ATXN1: variants seen among roughly 807,000 people sequenced by gnomAD.
ATXN1 encodes the protein ataxin 1, also known as ataxin-1.
A neutral mutation model predicts 56.4 loss-of-function variants in ATXN1; 8 were observed. That is an observed-to-expected ratio of 0.14 (90% CI 0.08 to 0.26). ATXN1 has a LOEUF of 0.26. Among genes scored for constraint, ATXN1 ranks in the 10% least tolerant of loss-of-function variants. The pLI, the probability that ATXN1 is intolerant of heterozygous loss-of-function variation, is 1.00. For synonymous variants in ATXN1, 514 were observed against 494.6 expected (o/e 1.04, Z -0.52); for missense variants, 987 against 1,106.5 (o/e 0.89, Z 1.53).
intron 6 of ATXN1, among the ~76,000 whole-genome samples, chr6:16,414,008 GT>G (rs1422233878): frequency 6.6e-5 from 10 of 152,216 alleles, no homozygotes. Flanking sequence ...AACATTGATT[GT>G]TTGTAAAAGT....
At chr6:16,748,694 T>G (rs1387650519) in intron 2 of ATXN1, among the ~76,000 whole-genome samples, 1 of 152,206 alleles carries the variant, frequency 6.6e-6, no homozygotes, top group Non-Finnish European at 1.5e-5. Context: ...ATTAAATAAT[T>G]GCAGACAAGA....
chr6:16,740,227 G>A (rs976164930), intron 2 of ATXN1, among the ~76,000 whole-genome samples: 1 of 152,146 alleles, frequency 6.6e-6, no homozygotes, highest in African/African-American at 2.4e-5. Context: ...ACCAAGAGAT[G>A]GACAGTGTAT....
chr6:16,346,062 A>ATTATTTAT (rs886791297), intron 6 of ATXN1, among the ~76,000 whole-genome samples: 1 of 152,036 alleles, frequency 6.6e-6, no homozygotes, highest in Admixed American at 6.6e-5. Flanking sequence ...TATTCTTTTA[A>ATTATTTAT]TTATTTATTT....
chr6:16,540,787 G>A (rs1279746403), intron 4 of ATXN1, among the ~76,000 whole-genome samples: 1 of 152,088 alleles, frequency 6.6e-6, no homozygotes, highest in Non-Finnish European at 1.5e-5. Context: ...TGGAATGGCT[G>A]TCTCATGTAT....
At chr6:16,598,966 C>T (rs572966046) in intron 3 of ATXN1, among the ~76,000 whole-genome samples, 2 of 152,160 alleles carry the variant, frequency 1.3e-5, no homozygotes, top group Admixed American at 6.5e-5. Context: ...CCCAAGGGCA[C>T]CTGCAAGGTA....
At chr6:16,436,202 G>C (rs1419487324) in intron 6 of ATXN1, among the ~76,000 whole-genome samples, 1 of 152,120 alleles carries the variant, frequency 6.6e-6, no homozygotes, top group Non-Finnish European at 1.5e-5. Flanking sequence ...CTGGCCTTCT[G>C]TGAGGTTCTT....
At chr6:16,755,308 A>C (rs1031831253) in intron 1 of ATXN1, among the ~76,000 whole-genome samples, 2 of 152,232 alleles carry the variant, frequency 1.3e-5, no homozygotes, top group Non-Finnish European at 2.9e-5. Context: ...GAAGGCAAGA[A>C]TACAAGCAAG....
At chr6:16,576,232 C>A (rs1762420147) in intron 4 of ATXN1, among the ~76,000 whole-genome samples, 4 of 152,152 alleles carry the variant, frequency 2.6e-5, no homozygotes, top group Admixed American at 1.3e-4. Flanking sequence ...CTCCCTAAGT[C>A]TCTTTACTTA....
At chr6:16,476,211 T>C (rs999653014) in intron 6 of ATXN1, among the ~76,000 whole-genome samples, 1 of 152,180 alleles carries the variant, frequency 6.6e-6, no homozygotes, top group Non-Finnish European at 1.5e-5. Flanking sequence ...CGACAACTTA[T>C]TCAGGAAGAA....
chr6:16,335,090 A>AT (rs1192677466), intron 6 of ATXN1, among the ~76,000 whole-genome samples: 2 of 152,226 alleles, frequency 1.3e-5, no homozygotes, highest in Admixed American at 6.5e-5. Context: ...CTTACTCTAC[A>AT]TTTTTTTGCC....
chr6:16,349,702 A>C (rs1024585831), intron 6 of ATXN1, among the ~76,000 whole-genome samples: 8 of 152,042 alleles, frequency 5.3e-5, no homozygotes, highest in Admixed American at 4.6e-4. Context: ...AGTCTCTAAA[A>C]TTGTCTTCTT....
At chr6:16,379,179 A>G (rs980489002) in intron 6 of ATXN1, among the ~76,000 whole-genome samples, 1 of 152,238 alleles carries the variant, frequency 6.6e-6, no homozygotes, top group South Asian at 2.1e-4. Flanking sequence ...CAAACATCAT[A>G]TGTTCTCACT....
At chr6:16,585,035 C>T (rs1762598386) in intron 4 of ATXN1, among the ~76,000 whole-genome samples, 1 of 151,686 alleles carries the variant, frequency 6.6e-6, no homozygotes, top group South Asian at 2.1e-4. Flanking sequence ...GAGTTTGAGA[C>T]CAGCCTGGGC....
chr6:16,577,083 C>G (rs904088602), intron 4 of ATXN1, among the ~76,000 whole-genome samples: 2 of 152,194 alleles, frequency 1.3e-5, no homozygotes, highest in African/African-American at 4.8e-5. Flanking sequence ...ATGCTACTTA[C>G]ATTACTCTTG....
At chr6:16,520,202 G>C (rs1428743686) in intron 5 of ATXN1, among the ~76,000 whole-genome samples, 1 of 152,110 alleles carries the variant, frequency 6.6e-6, no homozygotes, top group Non-Finnish European at 1.5e-5. Context: ...CCAAGACCCA[G>C]CCCCATTGCA....
intron 2 of ATXN1, among the ~76,000 whole-genome samples, chr6:16,688,939 ATG>A (rs369795271): frequency 1.3e-5 from 2 of 151,910 alleles, no homozygotes; most frequent in East Asian, 1.9e-4. Flanking sequence ...ATGTGTGTGT[ATG>A]TGTGTGTGTG....
chr6:16,633,934 G>A (rs1016358902), intron 3 of ATXN1, among the ~76,000 whole-genome samples: 1 of 152,082 alleles, frequency 6.6e-6, no homozygotes, highest in Non-Finnish European at 1.5e-5. Flanking sequence ...ACAAGGTGTC[G>A]GCCTGCTACT....
Position 16,306,593 on chromosome 6 carries a change from G to C in ATXN1, c.2184C>G (p.Asn728Lys). 1.9e-6 allele frequency: 3 copies of C among 1,614,192 alleles called. No homozygotes were observed. Among genetic ancestry groups the C allele is most frequent in the Non-Finnish European group, 2.5e-6 (3 of 1,180,036 alleles). Residue 728 changes from asparagine to lysine, a missense_variant, in exon 8 of 8, where the codon AAC becomes AAG. By Grantham distance (94) the Asn-to-Lys change is moderately conservative. Around this residue, in one of 3 missense-constraint regions of ATXN1, gnomAD observed 196 missense variants for 196.7 expected, o/e 1.00. Transcript: ENST00000436367. The surrounding 1 kb of genome is among the most constrained non-coding windows in gnomAD (Gnocchi z 5.2). ...TCTGGGCACTCCCCTGGTTGATTCC[G>C]TTTTCCTGCTCGGCATACCTGTGTC... Reference protein sequence around the residue: ...GSRHRYAEQENGINQGSAQML... With the variant: ...GSRHRYAEQEKGINQGSAQML...
chr6:16,650,594 C>T (rs975135219), intron 3 of ATXN1, among the ~76,000 whole-genome samples: 6 of 152,144 alleles, frequency 3.9e-5, no homozygotes, highest in African/African-American at 1.2e-4. Context: ...TGGGTTTAGC[C>T]GAAAGCTGCC....
Sources: gnomAD v4.1 joint callset for allele counts (sites outside exome capture counted in the v4.1 genomes callset) on GRCh38, gnomAD v4.1.1 for gene constraint, gnomAD v4.1.1 regional missense constraint, Gnocchi (gnomAD v3.1) non-coding constraint, MANE v1.5 for transcripts, NCBI Gene and HGNC (gene_info 2026-07-23, HGNC 2026-07-21) for gene names.